EXOC2: variants seen among roughly 807,000 people sequenced by gnomAD.
EXOC2 encodes the protein SEC5-like 1.
In EXOC2, 70 loss-of-function variants were observed where a neutral mutation model predicts 131.8. The observed-to-expected ratio is 0.53, with a 90% CI of 0.44 to 0.65. EXOC2 has a LOEUF of 0.65. Ranked by LOEUF, EXOC2 falls within the 30% of genes least tolerant of loss-of-function variation. EXOC2 has a pLI of 0.00. For synonymous variants in EXOC2, 411 were observed against 398.4 expected (o/e 1.03, Z -0.38); for missense variants, 923 against 1,108.6 (o/e 0.83, Z 2.38).
Position 656,583 on chromosome 6 carries a change from G to A in EXOC2, c.-43-18722C>T, listed in dbSNP as rs764370724. 17 of 1,592,828 alleles carry A rather than the reference G, an allele frequency of 1.1e-5. No individual in the cohort carries two copies. The African/African-American group carries it at 1.6e-4, about 15-fold the overall frequency. On this transcript the variant is annotated intron_variant, in intron 1 of 27. Transcript: ENST00000230449. ...CACCACGCTGCGAGCGCGGCCCAGG[G>A]ACGAGACCAGCTCCACCGCCACCGT...
chr6:615,785 T>G (rs1270739181), intron 6 of EXOC2, among the ~76,000 whole-genome samples: 2 of 151,976 alleles, frequency 1.3e-5, no homozygotes, highest in Non-Finnish European at 2.9e-5. Context: ...TGGTTTTAGT[T>G]TAAAAGAGGC....
chr6:590,116 A>AAAGCGAGACTCTGTCTGG (rs1759459430), intron 11 of EXOC2, among the ~76,000 whole-genome samples: 1 of 14,070 alleles, frequency 7.1e-5, no homozygotes, highest in African/African-American at 9.6e-5. Context: ...CTCTGTCTGG[A>AAAGCGAGACTCTGTCTGG]AAAAAAAAAA....
chr6:509,528 C>G (rs1041197817), intron 23 of EXOC2, among the ~76,000 whole-genome samples: 1 of 152,088 alleles, frequency 6.6e-6, no homozygotes, highest in Non-Finnish European at 1.5e-5. Context: ...TTAAAACATT[C>G]TTAACAGCTA....
chr6:640,055 GAACA>G (rs1359428869), intron 1 of EXOC2, among the ~76,000 whole-genome samples: 1 of 152,222 alleles, frequency 6.6e-6, no homozygotes, highest in East Asian at 1.9e-4. Context: ...TGGGACCTGA[GAACA>G]GACAACAGTT....
chr6:615,269 C>G (rs1760936171), intron 6 of EXOC2, among the ~76,000 whole-genome samples: 1 of 151,754 alleles, frequency 6.6e-6, no homozygotes, highest in Non-Finnish European at 1.5e-5. Flanking sequence ...CCCAGTCCCC[C>G]CTTGAAGCTA....
chr6:539,209 C>T (rs1181476164), intron 22 of EXOC2, among the ~76,000 whole-genome samples: 3 of 152,108 alleles, frequency 2.0e-5, no homozygotes, highest in Admixed American at 6.5e-5. Flanking sequence ...TCACTGAATT[C>T]GTACATATTA....
At chr6:570,558 T>A (rs931672161) in intron 13 of EXOC2, among the ~76,000 whole-genome samples, 7 of 152,212 alleles carry the variant, frequency 4.6e-5, no homozygotes, top group Admixed American at 4.6e-4. Flanking sequence ...ACACCTACCA[T>A]GTGCCAGGCC....
chr6:631,345 C>T (rs983259351), intron 3 of EXOC2, among the ~76,000 whole-genome samples: 11 of 152,126 alleles, frequency 7.2e-5, no homozygotes, highest in African/African-American at 2.7e-4. Flanking sequence ...CGAGACCAGC[C>T]TGACCAACAT....
chr6:517,265 G>A (rs1005297547), intron 23 of EXOC2, among the ~76,000 whole-genome samples: 1 of 152,038 alleles, frequency 6.6e-6, no homozygotes, highest in African/African-American at 2.4e-5. Flanking sequence ...GTGGAACATG[G>A]CACCCTATGG....
chr6:494,790 T>C lies in EXOC2; in HGVS notation c.2559+2577A>G, dbSNP rs887936075. Among the ~76,000 whole-genome samples, 6 of 152,360 alleles carry C rather than the reference T, an allele frequency of 3.9e-5. No homozygotes were observed. In the East Asian group the frequency reaches 9.6e-4, roughly 24 times the overall value. ...GTAATTTATTCTCTTTAATGTGGAA[T>C]AGTATTTGACTGTATGAATATATTA... On this transcript the variant is annotated intron_variant, in intron 25 of 27. Transcript: ENST00000230449.
intron 13 of EXOC2, among the ~76,000 whole-genome samples, chr6:570,136 CTT>C (rs11423850): frequency 7.9e-5 from 11 of 139,944 alleles, no homozygotes; most frequent in African/African-American, 1.6e-4. Context: ...AATTCTTTCT[CTT>C]TTTTTTTTTT....
chr6:564,850 T>G lies in EXOC2; in HGVS notation c.1509+14A>C, dbSNP rs1325757363. 4 of 1,609,686 alleles carry G rather than the reference T, an allele frequency of 2.5e-6. No individual in the cohort carries two copies. Among genetic ancestry groups the G allele is most frequent in the Non-Finnish European group, 3.4e-6 (4 of 1,178,856 alleles). On this transcript the variant is annotated intron_variant, in intron 14 of 27. Transcript: ENST00000230449. Reference sequence around the variant, plus strand: ...CCCTGTGAAAAGGTCTACATACTTATCACCCTTACTCACCTTAAAATCATT... The same window carrying G: ...CCCTGTGAAAAGGTCTACATACTTAGCACCCTTACTCACCTTAAAATCATT...
At chr6:616,058 C>A (rs561331038) in intron 6 of EXOC2, among the ~76,000 whole-genome samples, 1 of 152,308 alleles carries the variant, frequency 6.6e-6, no homozygotes, top group South Asian at 2.1e-4. Flanking sequence ...AAAGTAAAAA[C>A]AACTTACCCG....
chr6:691,267 A>G (rs1562021738), intron 1 of EXOC2, among the ~76,000 whole-genome samples: 1 of 152,232 alleles, frequency 6.6e-6, no homozygotes, highest in Non-Finnish European at 1.5e-5. Context: ...GAAAAGTAAT[A>G]CAGTTGACCC....
intron 1 of EXOC2, among the ~76,000 whole-genome samples, chr6:691,140 C>T (rs1046148160): frequency 6.6e-6 from 1 of 152,216 alleles, no homozygotes; most frequent in African/African-American, 2.4e-5. Flanking sequence ...CTGCTTGACA[C>T]TAGAAATATT....
chr6:651,030 CT>C (rs66636202), intron 1 of EXOC2, among the ~76,000 whole-genome samples: 99,514 of 136,152 alleles, frequency 0.73, 36,231 homozygotes, highest in Non-Finnish European at 0.79. Flanking sequence ...GGCATGTGTT[CT>C]TTTTTTTTTT....
intron 21 of EXOC2, among the ~76,000 whole-genome samples, chr6:549,798 G>C (rs936033114): frequency 6.6e-6 from 1 of 152,116 alleles, no homozygotes; most frequent in Non-Finnish European, 1.5e-5. Context: ...AAATACCTTA[G>C]GGCATTAAGA....
intron 7 of EXOC2, among the ~76,000 whole-genome samples, chr6:604,515 T>C (rs1379415696): frequency 6.6e-6 from 1 of 152,110 alleles, no homozygotes; most frequent in Non-Finnish European, 1.5e-5. Flanking sequence ...TCTTTAAAAA[T>C]CTCCTATCGT....
chr6:685,867 C>CTTTTTTTTTTTTTTTT, intron 1 of EXOC2, among the ~76,000 whole-genome samples: 1 of 121,462 alleles, frequency 8.2e-6, no homozygotes, highest in Middle Eastern at 4.2e-3. Flanking sequence ...TTTCCTGGAC[C>CTTTTTTTTTTTTTTTT]TCTTTTTTTT....
Sources: allele counts gnomAD v4.1 joint callset (sites outside exome capture counted in the v4.1 genomes callset), GRCh38; gene constraint gnomAD v4.1.1; transcripts MANE v1.5; gene names NCBI Gene and HGNC (gene_info 2026-07-23, HGNC 2026-07-21).